Variants in NRXN3 observed in about 807,000 individuals in gnomAD.
The protein encoded by NRXN3 is neurexin III.
In NRXN3, 32 loss-of-function variants were observed where a neutral mutation model predicts 137.6. That is an observed-to-expected ratio of 0.23 (90% CI 0.18 to 0.31). The LOEUF (loss-of-function observed/expected upper bound fraction) is 0.31. NRXN3 is among the 10% of genes least tolerant of loss of function. The probability of loss-of-function intolerance (pLI) is 1.00; values close to 1 mark genes in which losing one functional copy is unlikely to be tolerated. For synonymous variants in NRXN3, 798 were observed against 784.5 expected (o/e 1.02, Z -0.29); for missense variants, 1,574 against 2,062.5 (o/e 0.76, Z 4.59).
intron 10 of NRXN3, among the ~76,000 whole-genome samples, chr14:78,907,288 C>A (rs114039983): frequency 6.6e-6 from 1 of 151,906 alleles, no homozygotes; most frequent in Non-Finnish European, 1.5e-5. Flanking sequence ...AATAGTATCT[C>A]CTGAACACGT....
intron 10 of NRXN3, among the ~76,000 whole-genome samples, chr14:78,850,414 C>G (rs1258238170): frequency 6.6e-6 from 1 of 152,110 alleles, no homozygotes. Context: ...GGGGTTAAAA[C>G]TAACCATAGT....
intron 4 of NRXN3, among the ~76,000 whole-genome samples, chr14:78,405,949 A>G (rs1460131631): frequency 1.3e-5 from 2 of 152,184 alleles, no homozygotes; most frequent in Admixed American, 6.5e-5. Context: ...ATTTTATCCT[A>G]TTCACAAATG....
intron 10 of NRXN3, among the ~76,000 whole-genome samples, chr14:78,841,415 G>C (rs536125208): frequency 6.6e-6 from 1 of 151,922 alleles, no homozygotes; most frequent in African/African-American, 2.4e-5. Context: ...AACTTCCCAG[G>C]CTCTTTCATG....
At chr14:78,637,790 T>G (rs1245725652) in intron 4 of NRXN3, among the ~76,000 whole-genome samples, 2 of 152,232 alleles carry the variant, frequency 1.3e-5, no homozygotes, top group African/African-American at 4.8e-5. Flanking sequence ...CATTCAAAAT[T>G]TTTTAGCTTT....
At chr14:79,283,678 CCTT>C (rs1303023801) in intron 15 of NRXN3, among the ~76,000 whole-genome samples, 1 of 151,780 alleles carries the variant, frequency 6.6e-6, no homozygotes, top group Non-Finnish European at 1.5e-5. Context: ...ATAGGATTAA[CCTT>C]CTTCTTAATG....
At chr14:79,713,756 C>G (rs908225171) in intron 19 of NRXN3, among the ~76,000 whole-genome samples, 2 of 149,510 alleles carry the variant, frequency 1.3e-5, no homozygotes, top group Non-Finnish European at 3.0e-5. Flanking sequence ...TTCAGTTTCA[C>G]CAATCATGTT....
chr14:79,773,468 G>T (rs1369990664), intron 19 of NRXN3, among the ~76,000 whole-genome samples: 1 of 152,090 alleles, frequency 6.6e-6, no homozygotes, highest in African/African-American at 2.4e-5. Context: ...ATGAGTTCAT[G>T]TCCTTTGTAG....
intron 17 of NRXN3, among the ~76,000 whole-genome samples, chr14:79,672,604 G>T (rs1028591830): frequency 2.6e-5 from 4 of 151,952 alleles, no homozygotes; most frequent in Non-Finnish European, 5.9e-5. Context: ...TTCAAAGCTG[G>T]TTAGTGAATT....
At chr14:79,386,630 G>C (rs1424360078) in intron 15 of NRXN3, among the ~76,000 whole-genome samples, 2 of 152,158 alleles carry the variant, frequency 1.3e-5, no homozygotes, top group Non-Finnish European at 2.9e-5. Flanking sequence ...CCAAAAAGGA[G>C]CCCACATTGC....
At chr14:78,238,144 C>CA (rs990648445) in intron 1 of NRXN3, among the ~76,000 whole-genome samples, 2 of 151,096 alleles carry the variant, frequency 1.3e-5, no homozygotes, top group South Asian at 4.2e-4. Flanking sequence ...TGTGAGCCCC[C>CA]CCCACCACAC....
Position 79,805,180 on chromosome 14 carries a change from G to A in NRXN3, c.4083G>A (p.Glu1361=). ...SSDDEDFVEC[E]PSTDKSLSTS... is the part of the protein sequence containing the mutation. ...ATGATGAAGACTTTGTTGAATGTGA[G>A]CCGAGTACAGGTAGGTCAGGTCAGT... The change falls in exon 20 of 21, where the codon GAG becomes GAA. Residue 1361 remains glutamate, a synonymous_variant. Coordinates refer to ENST00000335750, the MANE Select transcript of NRXN3 (RefSeq NM_001330195.2). 1 of 1,613,572 alleles carries A rather than the reference G, an allele frequency of 6.2e-7. No homozygotes were observed. The highest frequency in any genetic ancestry group is 1.3e-5 in the African/African-American group (1 of 74,978).
intron 1 of NRXN3, among the ~76,000 whole-genome samples, chr14:78,175,247 C>G (rs939831065): frequency 2.0e-5 from 3 of 152,216 alleles, no homozygotes; most frequent in African/African-American, 7.2e-5. Flanking sequence ...TCTAGCATCC[C>G]TCTCCCTTCT....
In NRXN3 at chr14:79,489,519, A is replaced by G. The variant is rs574251561; in HGVS notation, c.3444+22117A>G. On this transcript the variant is annotated intron_variant, in intron 16 of 20. Coordinates refer to ENST00000335750, the MANE Select transcript of NRXN3 (RefSeq NM_001330195.2). ...TTGCATTAGTATGGAACCACCTACT[A>G]CAGACACCGGGCTCGTTTCACTCAA... is the stretch of plus-strand genomic sequence containing the variant. 2.6e-5 allele frequency among the ~76,000 whole-genome samples: 4 copies of G among 152,310 alleles called. No individual in the cohort carries two copies. The East Asian group carries it at 5.8e-4, about 22-fold the overall frequency.
intron 19 of NRXN3, among the ~76,000 whole-genome samples, chr14:79,793,314 C>CTGAGGCAGGAGAA (rs888599967): frequency 2.6e-5 from 4 of 152,146 alleles, no homozygotes; most frequent in African/African-American, 9.7e-5. Context: ...ATTCGGGAGC[C>CTGAGGCAGGAGAA]TGAGGCAGGA....
chr14:79,814,721 C>T (rs1603589231), intron 20 of NRXN3, among the ~76,000 whole-genome samples: 1 of 152,146 alleles, frequency 6.6e-6, no homozygotes, highest in Non-Finnish European at 1.5e-5. Context: ...AGCAGATCAA[C>T]GGAAGATGTT....
chr14:78,968,419 T>C, intron 14 of NRXN3, 73 bp downstream of exon 14: 2 of 1,420,630 alleles, frequency 1.4e-6, no homozygotes, highest in South Asian at 1.3e-5. Context: ...CCTCTGCCAC[T>C]GCCTCCTTCC....
intron 16 of NRXN3, among the ~76,000 whole-genome samples, chr14:79,603,861 T>C (rs918251175): frequency 6.6e-6 from 1 of 152,096 alleles, no homozygotes; most frequent in African/African-American, 2.4e-5. Flanking sequence ...AGAGTGGGAA[T>C]ATAAATAAAT....
chr14:78,534,112 C>T (rs1274364699), intron 4 of NRXN3, among the ~76,000 whole-genome samples: 9 of 152,100 alleles, frequency 5.9e-5, no homozygotes, highest in Non-Finnish European at 1.0e-4. Flanking sequence ...CCTATTTGCC[C>T]CAATTGTGTA....
chr14:78,659,902 A>T (rs1394348441), intron 6 of NRXN3, among the ~76,000 whole-genome samples: 2 of 152,090 alleles, frequency 1.3e-5, no homozygotes, highest in African/African-American at 2.4e-5. Context: ...TCGATTAGAG[A>T]TTCCCATTCC....
Sources: gnomAD v4.1 joint callset for allele counts (sites outside exome capture counted in the v4.1 genomes callset) on GRCh38, gnomAD v4.1.1 for gene constraint, MANE v1.5 for transcripts, NCBI Gene and HGNC (gene_info 2026-07-23, HGNC 2026-07-21) for gene names.